TET3: variants seen among roughly 807,000 people sequenced by gnomAD.
TET3 encodes the protein methylcytosine dioxygenase TET3.
TET3 carries 19 observed loss-of-function variants against 141.4 expected under a neutral mutation model. The observed-to-expected ratio is 0.13, with a 90% CI of 0.09 to 0.20. TET3 has a LOEUF of 0.20. TET3 is among the 10% of genes least tolerant of loss of function. The pLI is 1.00. For synonymous variants in TET3, 1,043 were observed against 980.9 expected, an observed-to-expected ratio of 1.06 and a Z score of -1.18; for missense variants, 1,874 against 2,356.9, an observed-to-expected ratio of 0.80 and a Z score of 4.24.
chr2:74,119,462 G>C, the TET3 span, among the ~76,000 whole-genome samples: 1 of 151,946 alleles, frequency 6.6e-6, no homozygotes, highest in Non-Finnish European at 1.5e-5. Context: ...TAATCAGGTT[G>C]AGCCTATTAG....
At chr2:74,011,938 C>T (rs1685456773) in intron 3 of TET3, among the ~76,000 whole-genome samples, 1 of 151,522 alleles carries the variant, frequency 6.6e-6, no homozygotes, top group Non-Finnish European at 1.5e-5. Context: ...TTTCACAGTC[C>T]AGTTAGTCAT....
chr2:74,073,788 T>C, intron 5 of TET3, 149 bp downstream of exon 5: 1 of 572,816 alleles, frequency 1.7e-6, no homozygotes, highest in Non-Finnish European at 3.0e-6. Flanking sequence ...TACTGTGGGA[T>C]CCTCACTTCC....
intron 3 of TET3, among the ~76,000 whole-genome samples, chr2:74,025,223 C>CAA (rs1195395463): frequency 3.5e-4 from 23 of 64,792 alleles, no homozygotes; most frequent in African/African-American, 3.7e-4. Context: ...GACTCCGCCT[C>CAA]AAAAAAAAAA....
At chr2:73,990,824 T>A (rs971300037) in intron 2 of TET3, among the ~76,000 whole-genome samples, 6 of 152,170 alleles carry the variant, frequency 3.9e-5, no homozygotes, top group African/African-American at 1.4e-4. Context: ...TCTATCTTCC[T>A]GAAGATGGAG....
chr2:74,098,749 A>G (rs1690994419), intron 10 of TET3, among the ~76,000 whole-genome samples: 1 of 152,146 alleles, frequency 6.6e-6, no homozygotes, highest in Admixed American at 6.5e-5. Flanking sequence ...GCATGCCACC[A>G]CGCCAGGCTA....
intron 3 of TET3, among the ~76,000 whole-genome samples, chr2:74,004,836 G>T (rs891211297): frequency 7.2e-5 from 11 of 152,196 alleles, no homozygotes; most frequent in African/African-American, 2.7e-4. Flanking sequence ...TCCCGCTGCT[G>T]GCTGGAGGAG....
intron 2 of TET3, among the ~76,000 whole-genome samples, chr2:74,002,530 C>G (rs1035940781): frequency 6.6e-6 from 1 of 152,052 alleles, no homozygotes; most frequent in African/African-American, 2.4e-5. Flanking sequence ...GGGAGCGGCA[C>G]GGCGGGCCTG....
At chr2:74,034,010 C>T (rs966255331) in intron 3 of TET3, among the ~76,000 whole-genome samples, 2 of 152,078 alleles carry the variant, frequency 1.3e-5, no homozygotes, top group South Asian at 2.1e-4. Flanking sequence ...GCAGGAGAAT[C>T]GCTTGAACCC....
At chr2:74,090,964 C>G (rs999794486) in intron 8 of TET3, among the ~76,000 whole-genome samples, 3 of 152,248 alleles carry the variant, frequency 2.0e-5, no homozygotes, top group Non-Finnish European at 4.4e-5. Context: ...GCTCCTAGTA[C>G]CAGAAGGGCT....
the TET3 span, among the ~76,000 whole-genome samples, chr2:74,126,693 C>T: frequency 2.0e-5 from 3 of 151,926 alleles, no homozygotes; most frequent in South Asian, 2.1e-4. Flanking sequence ...TCAGTAGAGA[C>T]GGGGTTTCAT....
At chr2:74,043,883 G>A (rs934037549) in intron 3 of TET3, among the ~76,000 whole-genome samples, 2 of 152,116 alleles carry the variant, frequency 1.3e-5, no homozygotes, top group Non-Finnish European at 2.9e-5. Flanking sequence ...TTTGAGGCCA[G>A]ACACAGTGTC....
chr2:74,080,902 G>T (rs1297294927), intron 6 of TET3, among the ~76,000 whole-genome samples: 1 of 152,200 alleles, frequency 6.6e-6, no homozygotes, highest in East Asian at 1.9e-4. Flanking sequence ...TGTCCCCGTG[G>T]CTCAGGGCCG....
the TET3 span, among the ~76,000 whole-genome samples, chr2:74,118,382 G>A: frequency 6.6e-6 from 1 of 152,172 alleles, no homozygotes; most frequent in African/African-American, 2.4e-5. Context: ...ATTTCAGACA[G>A]ACGATTCATC....
At chr2:74,038,661 G>A (rs941807895) in intron 3 of TET3, among the ~76,000 whole-genome samples, 1 of 152,188 alleles carries the variant, frequency 6.6e-6, no homozygotes, top group African/African-American at 2.4e-5. Context: ...GTATAGGGGT[G>A]ATGAGGCTTG....
intron 4 of TET3, among the ~76,000 whole-genome samples, chr2:74,061,604 CCCA>C (rs1688576698): frequency 6.6e-6 from 1 of 150,548 alleles, no homozygotes; most frequent in African/African-American, 2.4e-5. Context: ...GCTGACCCCC[CCCA>C]CCTCCCTCCC....
chr2:74,030,986 G>A (rs189025646), intron 3 of TET3, among the ~76,000 whole-genome samples: 11 of 152,248 alleles, frequency 7.2e-5, no homozygotes, highest in South Asian at 2.1e-4. Flanking sequence ...GGATGTCCGG[G>A]GGGGAGTTGC....
At chr2:73,991,805 CAAAAAAAA>C (rs772400180) in intron 2 of TET3, among the ~76,000 whole-genome samples, 2 of 79,624 alleles carry the variant, frequency 2.5e-5, no homozygotes, top group East Asian at 7.1e-4. Context: ...AACTCTGTCT[CAAAAAAAA>C]AAAAAAAAAA....
intron 3 of TET3, among the ~76,000 whole-genome samples, chr2:74,043,751 CCTCTGCTAACCTCCCACAGAGCTCAT>C (rs1287698000): frequency 6.6e-6 from 1 of 152,126 alleles, no homozygotes; most frequent in Non-Finnish European, 1.5e-5. Context: ...CGGGCTGGGG[CCTCTGCTAACCTCCCACAGAGCTCAT>C]CCCAAACCCT....
intron 2 of TET3, among the ~76,000 whole-genome samples, chr2:74,000,362 G>T (rs1378110239): frequency 6.6e-6 from 1 of 152,194 alleles, no homozygotes; most frequent in Non-Finnish European, 1.5e-5. Flanking sequence ...GAGGACTGCC[G>T]TGTAAATAAA....
Sources: gnomAD v4.1 joint callset for allele counts (sites outside exome capture counted in the v4.1 genomes callset) on GRCh38, gnomAD v4.1.1 for gene constraint, MANE v1.5 for transcripts, NCBI Gene and HGNC (gene_info 2026-07-23, HGNC 2026-07-21) for gene names.